ERC2: variants seen among roughly 807,000 people sequenced by gnomAD.
The protein encoded by ERC2 is ELKS/RAB6-interacting/CAST family member 2.
A neutral mutation model predicts 114.8 loss-of-function variants in ERC2; 42 were observed. The ratio of observed to expected loss-of-function variants is 0.37; its 90% CI spans 0.29 to 0.47. The LOEUF (loss-of-function observed/expected upper bound fraction) is 0.47. Among genes scored for constraint, ERC2 ranks in the 20% least tolerant of loss-of-function variants. ERC2 has a pLI of 0.99. For synonymous variants in ERC2, 454 were observed against 425.5 expected, an observed-to-expected ratio of 1.07 and a Z score of -0.82; for missense variants, 939 against 1,150.7, an observed-to-expected ratio of 0.82 and a Z score of 2.66.
At chr3:55,863,762 G>A (rs1331385507) in intron 14 of ERC2, among the ~76,000 whole-genome samples, 2 of 151,956 alleles carry the variant, frequency 1.3e-5, no homozygotes, top group Non-Finnish European at 2.9e-5. Flanking sequence ...TCAACCCAAA[G>A]TATTAAACAT....
chr3:56,112,568 A>C lies in ERC2; in HGVS notation c.1473+26941T>G, dbSNP rs150824775. On this transcript the variant is annotated intron_variant, in intron 6 of 17. Transcript: ENST00000288221. ...TCTTTAAGGAGAGTATCACATTAAA[A>C]CAATTTAGTTCTGGCTGGTTGTCAT... Among the ~76,000 whole-genome samples the C allele has an allele frequency of 5.4e-3, 820 of 152,170 alleles. 13 individuals carry two copies. The highest frequency in any genetic ancestry group is 0.019 in the African/African-American group (789 of 41,542).
intron 3 of ERC2, among the ~76,000 whole-genome samples, chr3:56,249,357 G>T (rs575256801): frequency 6.6e-6 from 1 of 151,372 alleles, no homozygotes; most frequent in African/African-American, 2.4e-5. Flanking sequence ...ACAGAGTCTC[G>T]CTCTGTCATC....
intron 3 of ERC2, among the ~76,000 whole-genome samples, chr3:56,267,731 A>T (rs1346577612): frequency 1.3e-5 from 2 of 152,324 alleles, no homozygotes; most frequent in Non-Finnish European, 2.9e-5. Context: ...GTGAGCCGAG[A>T]TCTTGCCACT....
chr3:55,620,514 C>G (rs552958742), intron 17 of ERC2, among the ~76,000 whole-genome samples: 1 of 152,140 alleles, frequency 6.6e-6, no homozygotes. Context: ...GGAGAAGGAT[C>G]GGCATAAACA....
chr3:55,822,492 G>T (rs141836574), intron 14 of ERC2, among the ~76,000 whole-genome samples: 1,677 of 151,514 alleles, frequency 0.011, 14 homozygotes, highest in Middle Eastern at 0.027. Context: ...TGCTTAATTG[G>T]TTTTTTCATC....
chr3:56,327,228 C>G (rs1232213058), intron 2 of ERC2, among the ~76,000 whole-genome samples: 2 of 152,184 alleles, frequency 1.3e-5, no homozygotes, highest in African/African-American at 2.4e-5. Flanking sequence ...CCTCAGGAAA[C>G]TTACAATCAT....
chr3:56,294,964 T>G (rs1402239527), intron 3 of ERC2, among the ~76,000 whole-genome samples: 1 of 152,208 alleles, frequency 6.6e-6, no homozygotes, highest in Non-Finnish European at 1.5e-5. Flanking sequence ...GACACAAAAG[T>G]CTTTTCCTAT....
intron 6 of ERC2, among the ~76,000 whole-genome samples, chr3:56,132,760 TTTTA>T (rs1390269826): frequency 1.8e-4 from 28 of 152,270 alleles, no homozygotes; most frequent in Admixed American, 3.9e-4. Flanking sequence ...CCATCCATTC[TTTTA>T]TTTGTTTTTA....
chr3:55,831,339 A>AAGGGGAGGGG (rs1215446566), intron 14 of ERC2, among the ~76,000 whole-genome samples: 1 of 102,574 alleles, frequency 9.7e-6, no homozygotes, highest in Non-Finnish European at 1.9e-5. Flanking sequence ...GAGGGGAAGG[A>AAGGGGAGGGG]AGGGGAGGGG....
At chr3:56,297,224 GA>G (rs534511284) in intron 2 of ERC2, among the ~76,000 whole-genome samples, 267 of 119,446 alleles carry the variant, frequency 2.2e-3, no homozygotes, top group African/African-American at 6.1e-3. Context: ...CACAGAAGAA[GA>G]AAAAAAAAAA....
At chr3:55,747,490 G>C (rs2066381524) in intron 14 of ERC2, among the ~76,000 whole-genome samples, 1 of 152,180 alleles carries the variant, frequency 6.6e-6, no homozygotes. Context: ...ATAACTGAAA[G>C]TCCAAATGAG....
At chr3:55,923,850 A>G (rs1230880704) in intron 13 of ERC2, among the ~76,000 whole-genome samples, 1 of 152,162 alleles carries the variant, frequency 6.6e-6, no homozygotes, top group Non-Finnish European at 1.5e-5. Flanking sequence ...ACTGCCTTGC[A>G]CTGAGTCCCC....
At chr3:56,299,643 T>C (rs1241478947) in intron 2 of ERC2, among the ~76,000 whole-genome samples, 2 of 151,666 alleles carry the variant, frequency 1.3e-5, no homozygotes, top group Admixed American at 1.3e-4. Context: ...TTGCCCAGGC[T>C]GGTCTCAAAC....
intron 14 of ERC2, among the ~76,000 whole-genome samples, chr3:55,819,942 G>T (rs1382808882): frequency 6.6e-6 from 1 of 152,218 alleles, no homozygotes; most frequent in Non-Finnish European, 1.5e-5. Context: ...TGCGTGCAAT[G>T]GAGGGGGGTT....
chr3:56,003,217 A>T (rs76067826), intron 10 of ERC2: 2 of 880,600 alleles, frequency 2.3e-6, no homozygotes. Flanking sequence ...GCTCAACAAA[A>T]TCCATGCATT....
intron 1 of ERC2, among the ~76,000 whole-genome samples, chr3:56,437,436 C>T (rs533867822): frequency 6.6e-5 from 10 of 152,202 alleles, no homozygotes; most frequent in Non-Finnish European, 7.3e-5. Flanking sequence ...GACTGTTTTG[C>T]CACATTACAG....
At chr3:55,865,227 G>T (rs941834735) in intron 14 of ERC2, among the ~76,000 whole-genome samples, 4 of 150,422 alleles carry the variant, frequency 2.7e-5, no homozygotes, top group African/African-American at 1.0e-4. Context: ...ATAAATATAA[G>T]TTGATTGAAT....
intron 17 of ERC2, among the ~76,000 whole-genome samples, chr3:55,671,493 G>T (rs556423352): frequency 6.6e-6 from 1 of 152,170 alleles, no homozygotes; most frequent in Non-Finnish European, 1.5e-5. Flanking sequence ...GCACAGGAGA[G>T]GAAATGCTAG....
intron 7 of ERC2, among the ~76,000 whole-genome samples, chr3:56,061,714 T>C (rs2076252574): frequency 6.6e-6 from 1 of 152,226 alleles, no homozygotes; most frequent in Non-Finnish European, 1.5e-5. Context: ...AGTTTAAATT[T>C]GAACATAGCA....
Sources: gnomAD v4.1 joint callset for allele counts (sites outside exome capture counted in the v4.1 genomes callset) on GRCh38, gnomAD v4.1.1 for gene constraint, MANE v1.5 for transcripts, NCBI Gene and HGNC (gene_info 2026-07-23, HGNC 2026-07-21) for gene names.